JAK1: variants seen among roughly 807,000 people sequenced by gnomAD.
JAK1 encodes the protein tyrosine-protein kinase JAK1.
JAK1 carries 16 observed loss-of-function variants against 136.6 expected under a neutral mutation model. That is an observed-to-expected ratio of 0.12 (90% confidence interval 0.08 to 0.18). JAK1 has a LOEUF of 0.18. Ranked by LOEUF, JAK1 falls within the 10% of genes least tolerant of loss-of-function variation. JAK1 has a pLI of 1.00. For missense variants in JAK1, 859 were observed against 1,450.1 expected (o/e 0.59, Z 6.62); for synonymous variants, 492 against 519.5 (o/e 0.95, Z 0.72).
intron 1 of JAK1, among the ~76,000 whole-genome samples, chr1:64,936,876 T>C (rs1411264348): frequency 1.3e-5 from 2 of 152,126 alleles, no homozygotes; most frequent in African/African-American, 4.8e-5. Flanking sequence ...GGTTGTACCA[T>C]ATGAAACTGC....
intron 1 of JAK1, among the ~76,000 whole-genome samples, chr1:64,902,583 A>AGAGAGTGTGTGTGTGTGT: frequency 1.8e-3 from 132 of 73,794 alleles, no homozygotes; most frequent in East Asian, 3.0e-3. Context: ...AGAGAGAGAG[A>AGAGAGTGTGTGTGTGTGT]GTGTGTGTGT....
At chr1:64,881,538 T>C (rs1475981611) in intron 3 of JAK1, among the ~76,000 whole-genome samples, 1 of 152,180 alleles carries the variant, frequency 6.6e-6, no homozygotes, top group Non-Finnish European at 1.5e-5. Flanking sequence ...CAAACATCAC[T>C]TTCTGTAGTA....
At chr1:65,032,029 G>A (rs1043032291) in intron 2 of JAK1, among the ~76,000 whole-genome samples, 4 of 149,636 alleles carry the variant, frequency 2.7e-5, no homozygotes, top group Non-Finnish European at 4.4e-5. Flanking sequence ...GCAGTGGCGC[G>A]ATCTCAGCTC....
rs760901447 is a variant in JAK1 at position 64,883,422 on chromosome 1, C to T, written c.60G>A (p.Arg20=). Residue 20 remains arginine, a synonymous_variant, in exon 3 of 25, where the codon AGG becomes AGA. Transcript: ENST00000342505. ...GGTTCACCTCAGTCTTCTTGGAGCTCCTCATTTTAGCACAGAAAGCCATGG... is the reference window on the plus strand; with the variant it reads ...GGTTCACCTCAGTCTTCTTGGAGCTTCTCATTTTAGCACAGAAAGCCATGG... ...CNAMAFCAKM[R]SSKKTEVNLE... 6.2e-7 allele frequency: 1 copy of T among 1,614,118 alleles called. No individual in the cohort carries two copies. The highest frequency in any genetic ancestry group is 1.7e-5 in the Admixed American group (1 of 60,026).
At chr1:64,854,023 G>A (rs1157749931) in intron 11 of JAK1, among the ~76,000 whole-genome samples, 1 of 152,222 alleles carries the variant, frequency 6.6e-6, no homozygotes, top group Non-Finnish European at 1.5e-5. Context: ...CAGCCAAGTG[G>A]CAGATGTGTT....
chr1:64,986,555 C>T (rs557687921), intron 2 of JAK1, among the ~76,000 whole-genome samples: 3 of 152,124 alleles, frequency 2.0e-5, no homozygotes, highest in East Asian at 3.8e-4. Context: ...CTCACCATTA[C>T]AGCATCTCCT....
chr1:64,836,465 CATTTCACT>C (rs943142838), intron 22 of JAK1, among the ~76,000 whole-genome samples: 17 of 152,100 alleles, frequency 1.1e-4, no homozygotes, highest in Admixed American at 5.2e-4. Flanking sequence ...CTGTGCTCTT[CATTTCACT>C]GAGAACATGC....
chr1:64,846,817 CA>C, intron 13 of JAK1, 81 bp from the exon 14 acceptor site: 1 of 1,066,036 alleles, frequency 9.4e-7, no homozygotes, highest in Non-Finnish European at 1.4e-6. Context: ...AGGGGAAAGC[CA>C]GTGGACCCAG....
At chr1:64,937,919 G>A (rs887501315) in intron 1 of JAK1, among the ~76,000 whole-genome samples, 2 of 151,608 alleles carry the variant, frequency 1.3e-5, no homozygotes, top group African/African-American at 2.4e-5. Flanking sequence ...TCACTCTGTC[G>A]CCCAGGCTGG....
At chr1:64,967,850 G>C (rs192056730), upstream of JAK1, among the ~76,000 whole-genome samples, 1,013 of 152,192 alleles carry the variant, frequency 6.7e-3, 7 homozygotes, top group Middle Eastern at 0.014. Context: ...GAGCAGACAG[G>C]GAGGCAACCC....
intron 1 of JAK1, among the ~76,000 whole-genome samples, chr1:64,907,226 G>A (rs1244029795): frequency 6.6e-6 from 1 of 152,138 alleles, no homozygotes; most frequent in African/African-American, 2.4e-5. Context: ...GGAGATGTAT[G>A]CATACGTTCT....
chr1:64,922,777 A>G (rs1645517395), intron 1 of JAK1, among the ~76,000 whole-genome samples: 1 of 152,180 alleles, frequency 6.6e-6, no homozygotes, highest in African/African-American at 2.4e-5. Flanking sequence ...CCATCTCTAG[A>G]GCAAAAATAT....
At chr1:64,900,243 T>TA (rs1187789022) in intron 1 of JAK1, among the ~76,000 whole-genome samples, 1 of 152,214 alleles carries the variant, frequency 6.6e-6, no homozygotes, top group East Asian at 1.9e-4. Flanking sequence ...CATTGACTGA[T>TA]AGAGATATTA....
intron 1 of JAK1, among the ~76,000 whole-genome samples, chr1:64,963,912 T>C (rs1646328707): frequency 6.6e-6 from 1 of 152,142 alleles, no homozygotes; most frequent in Admixed American, 6.5e-5. Flanking sequence ...CTCTAACCAC[T>C]AGATGCCTAC....
At chr1:65,049,832 G>T (rs1647237009) in intron 1 of JAK1, among the ~76,000 whole-genome samples, 1 of 152,170 alleles carries the variant, frequency 6.6e-6, no homozygotes, top group African/African-American at 2.4e-5. Context: ...CCTGGGCATA[G>T]GGAGCTCTTT....
intron 2 of JAK1, among the ~76,000 whole-genome samples, chr1:65,009,111 C>T (rs1467880204): frequency 1.3e-5 from 2 of 151,664 alleles, no homozygotes; most frequent in Admixed American, 6.6e-5. Flanking sequence ...GAATGTCCAC[C>T]GACAGAAGAA....
In JAK1 at chr1:64,987,052, C is replaced by T. The variant is rs41285414; in HGVS notation, c.-78+57428G>A. On this transcript the variant is annotated intron_variant, in intron 2 of 25. Transcript: ENST00000671954. Reference sequence around the variant, plus strand: ...CTCCCTGTTGCTGAAGCAGCCATTGCCACAGTCAGGTGCACAAGGTCTAGC... The same window carrying T: ...CTCCCTGTTGCTGAAGCAGCCATTGTCACAGTCAGGTGCACAAGGTCTAGC... Among the ~76,000 whole-genome samples, 675 of 152,294 alleles carry T rather than the reference C, an allele frequency of 4.4e-3. 3 individuals carry two copies. The highest frequency in any genetic ancestry group is 6.1e-3 in the Non-Finnish European group (417 of 68,022).
Position 64,984,666 on chromosome 1 carries a change from C to T in JAK1, c.-78+59814G>A, listed in dbSNP as rs1646580884. ...TACTGTTCATCTCCATGACACAGTC[C>T]TTCCAGATCTATTTGCATCGTGTGC... On this transcript the variant is annotated intron_variant, in intron 2 of 25. Transcript: ENST00000671954. This position sits in a 1 kb window ranked among gnomAD's most constrained non-coding sequence, Gnocchi z 4.1. 5 of 567,174 alleles carry T rather than the reference C, an allele frequency of 8.8e-6. No homozygotes were observed. Among genetic ancestry groups the T allele is most frequent in the Non-Finnish European group, 1.6e-5 (5 of 306,708 alleles). 35.1% of individuals were successfully genotyped at this position (567,174 alleles called of 1,614,324 possible). A position where few individuals can be genotyped will look rare whatever the true frequency, so the allele number is the denominator to read the frequency against.
chr1:65,031,420 C>T (rs1324877348), intron 2 of JAK1, among the ~76,000 whole-genome samples: 1 of 152,052 alleles, frequency 6.6e-6, no homozygotes, highest in Non-Finnish European at 1.5e-5. Context: ...CTGCCCTGTA[C>T]TTTTTAAAAA....
Sources: gnomAD v4.1 joint callset for allele counts (sites outside exome capture counted in the v4.1 genomes callset) on GRCh38, gnomAD v4.1.1 for gene constraint, Gnocchi (gnomAD v3.1) non-coding constraint, MANE v1.5 for transcripts, NCBI Gene and HGNC (gene_info 2026-07-23, HGNC 2026-07-21) for gene names.